RGPD4: variants seen among roughly 807,000 people sequenced by gnomAD.
RGPD4 encodes the protein RANBP2 like and GRIP domain containing 4, also known as ranBP2-like and GRIP domain-containing protein 4.
RGPD4 carries 84 observed loss-of-function variants against 141.1 expected under a neutral mutation model. The observed-to-expected ratio is 0.60, with a 90% CI of 0.50 to 0.71. RGPD4 has a LOEUF of 0.71. Among genes scored for constraint, RGPD4 ranks in the 30% least tolerant of loss-of-function variants. The probability of loss-of-function intolerance (pLI) is 0.00; values close to 1 mark genes in which losing one functional copy is unlikely to be tolerated. For synonymous variants in RGPD4, 298 were observed against 566.8 expected (o/e 0.53, Z 6.74); for missense variants, 918 against 1,622.4 (o/e 0.57, Z 7.46).
rs770837736 is a variant in RGPD4 at position 107,879,994 on chromosome 2, A to G, written c.4951A>G (p.Thr1651Ala). ...GCCTCCATTATGGCATGCTGAATTT[A>G]CCAAAGAAGAATTGGTTCAGAAGCT... ...KEPPLWHAEF[T>A]KEELVQKLSS... Residue 1651 changes from threonine (T) to alanine (A), a missense_variant, in exon 21 of 23, where the codon ACC (threonine) becomes GCC (alanine). Thr to Ala is a moderately conservative substitution (Grantham distance 58, BLOSUM62 0). Transcript: ENST00000408999. 2.5e-6 allele frequency: 4 copies of G among 1,611,450 alleles called. No individual in the cohort carries two copies. The South Asian group carries it at 4.4e-5, about 18-fold the overall frequency.
intron 8 of RGPD4, among the ~76,000 whole-genome samples, chr2:107,855,736 A>G (rs2104448134): frequency 9.6e-6 from 1 of 104,364 alleles, no homozygotes; most frequent in East Asian, 2.8e-4. Context: ...CACTGTCACC[A>G]CAGTCAGTTT....
intron 22 of RGPD4, among the ~76,000 whole-genome samples, chr2:107,886,749 C>G (rs1675523850): frequency 6.6e-6 from 1 of 151,944 alleles, no homozygotes; most frequent in Admixed American, 6.6e-5. Context: ...GGTCTGAGAG[C>G]CACTCTTCCT....
At chr2:107,848,990 CTG>C (rs1682035526) in intron 7 of RGPD4, among the ~76,000 whole-genome samples, 1 of 84,838 alleles carries the variant, frequency 1.2e-5, no homozygotes, top group Non-Finnish European at 2.3e-5. Flanking sequence ...ACATTTATGA[CTG>C]TATTGTGTAT....
chr2:107,845,822 C>A (rs1681911780), intron 6 of RGPD4, among the ~76,000 whole-genome samples: 1 of 151,968 alleles, frequency 6.6e-6, no homozygotes, highest in Non-Finnish European at 1.5e-5. Context: ...CCTCGGCCTC[C>A]CAAAGTGTTG....
At position 107,885,518 on chromosome 2, in the gene RGPD4, C is replaced by T. The variant is rs913575583; in HGVS notation, c.5266+2645C>T. Among the ~76,000 whole-genome samples, 12 of 151,892 alleles carry T rather than the reference C, an allele frequency of 7.9e-5. 1 individual carries two copies. The highest frequency in any genetic ancestry group is 1.8e-4 in the Non-Finnish European group (12 of 67,996). ...TAAAAGAGACTAACCTAAGGGATAC[C>T]AAGAACAGATATTTTTAAAGAATTT... is the stretch of plus-strand genomic sequence containing the variant. On this transcript the variant is annotated intron_variant, in intron 22 of 22. Coordinates refer to ENST00000408999, the MANE Select transcript of RGPD4 (RefSeq NM_182588.3).
chr2:107,831,644 C>T (rs1681494568), intron 1 of RGPD4, among the ~76,000 whole-genome samples: 7 of 116,744 alleles, frequency 6.0e-5, no homozygotes, highest in East Asian at 2.3e-4. Context: ...GGCGCGATCT[C>T]GGCTCACTGC....
chr2:107,854,054 CTTTTTT>C (rs1052579812), intron 7 of RGPD4, among the ~76,000 whole-genome samples: 1 of 125,916 alleles, frequency 7.9e-6, no homozygotes, highest in Non-Finnish European at 1.6e-5. Flanking sequence ...TGGCCCCTCT[CTTTTTT>C]TTTTTTTTTT....
intron 18 of RGPD4, among the ~76,000 whole-genome samples, chr2:107,867,274 TTC>T (rs1237112117): frequency 6.6e-6 from 1 of 152,004 alleles, no homozygotes; most frequent in African/African-American, 2.4e-5. Context: ...GCCCTTTTTT[TTC>T]TCTCTCTCTT....
chr2:107,867,188 C>T (rs1326782755), intron 18 of RGPD4, among the ~76,000 whole-genome samples: 1 of 149,394 alleles, frequency 6.7e-6, no homozygotes, highest in East Asian at 2.0e-4. Flanking sequence ...CAGTATAATA[C>T]ATTGCTCCCA....
intron 1 of RGPD4, among the ~76,000 whole-genome samples, chr2:107,831,398 T>A (rs1298867939): frequency 6.9e-5 from 10 of 145,176 alleles, no homozygotes; most frequent in South Asian, 2.3e-4. Flanking sequence ...TAAATGATCC[T>A]CCTACCTCTG....
At chr2:107,884,804 C>A (rs537892716) in intron 22 of RGPD4, among the ~76,000 whole-genome samples, 1 of 151,712 alleles carries the variant, frequency 6.6e-6, no homozygotes, top group African/African-American at 2.4e-5. Flanking sequence ...ACTAAAATTC[C>A]AATTGCTGGT....
At chr2:107,873,220 G>C (rs1340349807) in intron 20 of RGPD4, among the ~76,000 whole-genome samples, 1 of 64,604 alleles carries the variant, frequency 1.5e-5, no homozygotes, top group South Asian at 5.7e-4. Context: ...GCGCATTAAC[G>C]TGAGTCTTTT....
At chr2:107,829,691 C>A (rs1035272690) in intron 1 of RGPD4, among the ~76,000 whole-genome samples, 4 of 152,102 alleles carry the variant, frequency 2.6e-5, no homozygotes, top group Non-Finnish European at 5.9e-5. Flanking sequence ...CTGGGGGGAC[C>A]GCGGCGGGCG....
chr2:107,827,431 C>T (rs1322963033), intron 1 of RGPD4, among the ~76,000 whole-genome samples: 2 of 54,084 alleles, frequency 3.7e-5, no homozygotes, highest in Non-Finnish European at 3.7e-5. Context: ...CGGCCGCGGC[C>T]GCGATGGCTC....
At position 107,890,760 on chromosome 2, in the gene RGPD4, C is replaced by G. The variant is rs778132011; in HGVS notation, c.*29C>G. ...GCTTCCCGTTCTTCTGGATGGGCAT[C>G]CTATCTTCGTAGTTGGTTTGGACTT... is the stretch of plus-strand genomic sequence containing the variant. On this transcript the variant is annotated 3_prime_UTR_variant, in exon 23 of 23. Transcript: ENST00000408999. The G allele has an allele frequency of 5.6e-6, 9 of 1,601,962 alleles. No individual in the cohort carries two copies. The highest frequency in any genetic ancestry group is 7.7e-6 in the Non-Finnish European group (9 of 1,176,258).
chr2:107,887,047 A>C (rs1467766348), intron 22 of RGPD4, among the ~76,000 whole-genome samples: 2 of 148,586 alleles, frequency 1.3e-5, no homozygotes, highest in Non-Finnish European at 3.0e-5. Flanking sequence ...GTTCAGAATC[A>C]GCCTGGGCAA....
chr2:107,859,951 T>C (rs1279767206), intron 12 of RGPD4, 106 bp downstream of exon 12: 10 of 1,314,866 alleles, frequency 7.6e-6, no homozygotes, highest in Middle Eastern at 2.7e-4. Flanking sequence ...AGCTTTGTCA[T>C]ATTATGACAG....
rs1007472185 is a variant in RGPD4, at chr2:107,833,759, C to T, written c.73-2843C>T. Among the ~76,000 whole-genome samples the T allele has an allele frequency of 1.4e-4, 22 of 152,196 alleles. 1 individual carries two copies. Among genetic ancestry groups the T allele is most frequent in the Admixed American group, 1.2e-3 (18 of 15,296 alleles). ...CTTCATTTTGAAAAGGGGGAACTGG[C>T]CGGGCTCCGTGGCTGACGCCTGTAA... is the stretch of plus-strand genomic sequence containing the variant. On this transcript the variant is annotated intron_variant, in intron 1 of 22. Coordinates refer to ENST00000408999, the MANE Select transcript of RGPD4 (RefSeq NM_182588.3).
chr2:107,886,891 C>T (rs565473719), intron 22 of RGPD4, among the ~76,000 whole-genome samples: 2 of 151,672 alleles, frequency 1.3e-5, no homozygotes, highest in East Asian at 1.9e-4. Context: ...AGGTTGCTAC[C>T]TATTAGTGGA....
Sources: gnomAD v4.1 joint callset for allele counts (sites outside exome capture counted in the v4.1 genomes callset) on GRCh38, gnomAD v4.1.1 for gene constraint, MANE v1.5 for transcripts, NCBI Gene and HGNC (gene_info 2026-07-23, HGNC 2026-07-21) for gene names.